AIPL1: variants seen among roughly 807,000 people sequenced by gnomAD.
AIPL1 encodes the protein AIP like 1 HSP90 co-chaperone, also known as aryl-hydrocarbon-interacting protein-like 1.
Under a neutral mutation model 32.9 loss-of-function variants are expected in AIPL1, and 23 were observed. That is an observed-to-expected ratio of 0.70 (90% CI 0.50 to 0.99). AIPL1 has a LOEUF of 0.99. Ranked by LOEUF, AIPL1 falls within the 50% of genes least tolerant of loss-of-function variation. AIPL1 has a pLI of 0.00. For synonymous variants in AIPL1, 210 were observed against 209.4 expected (o/e 1.00, Z -0.02); for missense variants, 485 against 506.0 (o/e 0.96, Z 0.40).
chr17:6,430,141 CG>C (rs1374256954), intron 2 of AIPL1, among the ~76,000 whole-genome samples: 2 of 150,366 alleles, frequency 1.3e-5, no homozygotes, highest in African/African-American at 4.9e-5. Flanking sequence ...AGGAGATGTG[CG>C]GGGCATGGAG....
intron 3 of AIPL1, 139 bp from the exon 4 acceptor site, chr17:6,427,196 G>C (rs771435623): frequency 1.7e-4 from 160 of 945,120 alleles, no homozygotes; most frequent in Non-Finnish European, 2.4e-4. Context: ...AGGGAAAGAA[G>C]CAACAACGCC....
rs781192944 is a variant in AIPL1 at position 6,433,904 on chromosome 17, G to A, written c.276+15C>T. The stretch of plus-strand genomic sequence containing the variant: ...AAGACTAGTCCCAGGAGACAGGCGC[G>A]CAGGGCCTACTTACGATGGTGTCGC... On this transcript the variant is annotated intron_variant, in intron 2 of 5. Transcript: ENST00000381129. 12 of 1,591,970 alleles carry A rather than the reference G, an allele frequency of 7.5e-6. No homozygotes were observed. Among genetic ancestry groups the A allele is most frequent in the African/African-American group, 3.0e-5 (2 of 66,140 alleles).
rs1236352224 is a variant in AIPL1 at position 6,425,956 on chromosome 17, C to A, written c.785-126G>T. On this transcript the variant is annotated intron_variant, in intron 5 of 5. Transcript: ENST00000381129. ...CCATGATCCTTAACCTCTCTGTATC[C>A]CCCATCCCTCGGTTTCCTCAACTGT... The A allele has an allele frequency of 3.8e-6, 5 of 1,301,918 alleles. No individual in the cohort carries two copies. In the African/African-American group the frequency reaches 7.4e-5, roughly 19 times the overall value. 80.6% of individuals were successfully genotyped at this position (1,301,918 alleles called of 1,614,324 possible).
rs575901269 is a variant in AIPL1, at chr17:6,425,907, C to T, written c.785-77G>A. On this transcript the variant is annotated intron_variant, in intron 5 of 5. Coordinates refer to ENST00000381129, the MANE Select transcript of AIPL1 (RefSeq NM_014336.5). ...CAGCCCCAGCCCAGCTGGGACTCACCAGCCTCCAAGACCCTCAGCCCCGCC... is the reference window on the plus strand; with the variant it reads ...CAGCCCCAGCCCAGCTGGGACTCACTAGCCTCCAAGACCCTCAGCCCCGCC... The T allele has an allele frequency of 2.8e-5, 43 of 1,539,502 alleles. No individual in the cohort carries two copies. In the South Asian group the frequency reaches 4.8e-4, roughly 17 times the overall value.
At position 6,434,223 on chromosome 17, in the gene AIPL1, GC is replaced by G. The variant is rs59784403; in HGVS notation, c.97-126del. On this transcript the variant is annotated intron_variant, in intron 1 of 5. Coordinates refer to ENST00000381129, the MANE Select transcript of AIPL1 (RefSeq NM_014336.5). ...GCTCACTCAGTTCACCCCATCAGATGCCTCAGACCCCTGGAGCACCTCCACC... is the reference window on the plus strand; with the variant it reads ...GCTCACTCAGTTCACCCCATCAGATGCTCAGACCCCTGGAGCACCTCCACC... 2.8e-3 allele frequency: 3,052 copies of G among 1,105,430 alleles called. 37 individuals are homozygous for G. In the African/African-American group the frequency reaches 0.038, roughly 14 times the overall value. The allele number at this position is 1,105,430 out of a possible 1,614,324, so 68.5% of individuals were successfully genotyped here.
intron 3 of AIPL1, among the ~76,000 whole-genome samples, chr17:6,427,614 T>A (rs1912125457): frequency 6.6e-6 from 1 of 152,024 alleles, no homozygotes; most frequent in Admixed American, 6.6e-5. Flanking sequence ...TGCCAATCAC[T>A]CTGGGGCTCT....
At position 6,433,845 on chromosome 17, in the gene AIPL1, A is replaced by T; in HGVS notation, c.276+74T>A. 4 of 1,544,154 alleles carry T rather than the reference A, an allele frequency of 2.6e-6. No homozygotes were observed. The South Asian group carries it at 4.6e-5, about 18-fold the overall frequency. ...TTGAGTCCCAGCTTTCCCGAAACAC[A>T]GCAGCCCCGCAAAGCGGGTGGGTGA... is the stretch of plus-strand genomic sequence containing the variant. On this transcript the variant is annotated intron_variant, in intron 2 of 5. Transcript: ENST00000381129.
rs780134658 is a variant in AIPL1 at position 6,428,489 on chromosome 17, G to T, written c.294C>A (p.Pro98=). The T allele has an allele frequency of 6.2e-7, 1 of 1,613,758 alleles. No individual in the cohort carries two copies. The highest frequency in any genetic ancestry group is 1.7e-5 in the Admixed American group (1 of 60,012). Residue 98 remains proline (P), a synonymous_variant, in exon 3 of 6, where the codon CCC becomes CCA. Transcript: ENST00000381129. ...WCDTIHTGVY[P]ILSRSLRQMA... is the part of the protein sequence containing the mutation. Reference sequence around the variant, plus strand: ...TCTGCCTCAGGCTCCGGGATAGGATGGGGTAGACCCCCGTGTGCTGTGGGG... The same window carrying T: ...TCTGCCTCAGGCTCCGGGATAGGATTGGGTAGACCCCCGTGTGCTGTGGGG...
chr17:6,426,767 A>T lies in AIPL1; in HGVS notation c.643-11T>A. On this transcript the variant is annotated splice_polypyrimidine_tract_variant and intron_variant, in intron 4 of 5. Coordinates refer to ENST00000381129, the MANE Select transcript of AIPL1 (RefSeq NM_014336.5). The stretch of plus-strand genomic sequence containing the variant: ...CTCCCATGGCTTCTCCTGCCCAGGG[A>T]GAAGGTCAGCCATGACCTCAGGCAG... 1 of 1,613,266 alleles carries T rather than the reference A, an allele frequency of 6.2e-7. No homozygotes were observed. The highest frequency in any genetic ancestry group is 1.1e-5 in the South Asian group (1 of 91,086).
rs1911811268 is a variant in AIPL1 at position 6,425,417 on chromosome 17, G to GA, written c.*42_*43insT. 4.5e-6 allele frequency: 7 copies of GA among 1,550,808 alleles called. No homozygotes were observed. The highest frequency in any genetic ancestry group is 6.1e-6 in the Non-Finnish European group (7 of 1,150,706). On this transcript the variant is annotated 3_prime_UTR_variant, in exon 6 of 6. Coordinates refer to ENST00000381129, the MANE Select transcript of AIPL1 (RefSeq NM_014336.5). ...TGGTCAATCGAACCAGAAGTGACCA[G>GA]GCCACTTGCTCCCTGCCTGGGTGGC...
At chr17:6,426,590 T>A (rs1026139313) in intron 5 of AIPL1, 25 bp downstream of exon 5, 3 of 1,610,488 alleles carry the variant, frequency 1.9e-6, no homozygotes, top group African/African-American at 2.7e-5. Context: ...GCCCCCTCAC[T>A]GTCCGCCCCT....
At chr17:6,431,244 G>A (rs1046360273) in intron 2 of AIPL1, among the ~76,000 whole-genome samples, 12 of 151,642 alleles carry the variant, frequency 7.9e-5, no homozygotes, top group South Asian at 2.1e-4. Flanking sequence ...TCAAGAGTTC[G>A]AGACCAGCTT....
chr17:6,433,807 T>C, intron 2 of AIPL1, 112 bp downstream of exon 2: 1 of 1,358,304 alleles, frequency 7.4e-7, no homozygotes, highest in Non-Finnish European at 1.0e-6. Flanking sequence ...GGACTGGCTT[T>C]GCAAAGCTTC....
intron 2 of AIPL1, among the ~76,000 whole-genome samples, chr17:6,429,759 C>G (rs1912361137): frequency 1.3e-5 from 2 of 152,056 alleles, no homozygotes; most frequent in African/African-American, 4.8e-5. Flanking sequence ...TAACATACAG[C>G]ACAGGCCAAA....
At chr17:6,432,636 C>CT (rs371687670) in intron 2 of AIPL1, among the ~76,000 whole-genome samples, 14,083 of 146,708 alleles carry the variant, frequency 0.096, 2,011 homozygotes, top group African/African-American at 0.31. Context: ...TTAATATCCT[C>CT]TTTTTTTTTT....
rs992596837 is a variant in AIPL1, at chr17:6,429,233, G to A, written c.277-727C>T. On this transcript the variant is annotated intron_variant, in intron 2 of 5. Coordinates refer to ENST00000381129, the MANE Select transcript of AIPL1 (RefSeq NM_014336.5). The stretch of plus-strand genomic sequence containing the variant: ...CAGCGAGGCCTGCTGTATGTATGCT[G>A]GGCCTCAGTTTCCCCAACTAGGCTC... Among the ~76,000 whole-genome samples the A allele has an allele frequency of 2.0e-5, 3 of 152,278 alleles. No individual in the cohort carries two copies. The South Asian group carries it at 6.2e-4, about 32-fold the overall frequency.
chr17:6,434,481 CCT>C, intron 1 of AIPL1, among the ~76,000 whole-genome samples: 1 of 151,450 alleles, frequency 6.6e-6, no homozygotes, highest in East Asian at 2.0e-4. Context: ...GCCTCAGTCT[CCT>C]GAGTATCTGA....
chr17:6,427,843 T>C (rs12453141), intron 3 of AIPL1, among the ~76,000 whole-genome samples: 48,608 of 150,382 alleles, frequency 0.32, 8,011 homozygotes, highest in Middle Eastern at 0.45. Context: ...GGACATGGAG[T>C]CTCACTCTGT....
At chr17:6,426,184 C>G in intron 5 of AIPL1, 1 of 1,280,742 alleles carries the variant, frequency 7.8e-7, no homozygotes, top group Non-Finnish European at 9.9e-7. Context: ...ACGCAGACGA[C>G]GTGTGCCTGA....
Sources: allele counts gnomAD v4.1 joint callset (sites outside exome capture counted in the v4.1 genomes callset), GRCh38; gene constraint gnomAD v4.1.1; transcripts MANE v1.5; gene names NCBI Gene and HGNC (gene_info 2026-07-23, HGNC 2026-07-21).